The following ATG7 variants were observed in gnomAD, a reference collection of about 807,000 sequenced individuals.
ATG7 encodes the protein autophagy related 7, also known as ubiquitin-like modifier-activating enzyme ATG7.
ATG7 carries 70 observed loss-of-function variants against 82.4 expected under a neutral mutation model. The observed-to-expected ratio is 0.85, with a 90% CI of 0.70 to 1.04. The LOEUF is 1.04. Among genes scored for constraint, ATG7 ranks in the 50% least tolerant of loss-of-function variants. ATG7 has a pLI of 0.00. For synonymous variants in ATG7, 287 were observed against 313.0 expected (o/e 0.92, Z 0.88); for missense variants, 792 against 864.3 (o/e 0.92, Z 1.05).
At chr3:11,461,615 A>G (rs1324639893) in intron 20 of ATG7, among the ~76,000 whole-genome samples, 4 of 152,178 alleles carry the variant, frequency 2.6e-5, no homozygotes, top group Non-Finnish European at 1.5e-5. Context: ...TCTTAGAATG[A>G]GAATTCTTAG....
At chr3:11,547,191 T>C (rs549769419) in intron 20 of ATG7, among the ~76,000 whole-genome samples, 21 of 152,114 alleles carry the variant, frequency 1.4e-4, no homozygotes, top group Non-Finnish European at 2.5e-4. Context: ...TGAGAGAAAG[T>C]GGAAAAGGCC....
At chr3:11,513,234 G>A (rs542411819) in intron 20 of ATG7, among the ~76,000 whole-genome samples, 13 of 152,370 alleles carry the variant, frequency 8.5e-5, no homozygotes, top group South Asian at 4.1e-4. Flanking sequence ...CCAGTCCTGC[G>A]CCGTGCGTCT....
intron 20 of ATG7, among the ~76,000 whole-genome samples, chr3:11,491,396 ACTT>A: frequency 6.6e-6 from 1 of 152,098 alleles, no homozygotes; most frequent in African/African-American, 2.4e-5. Context: ...AAAGTTTTCA[ACTT>A]CTTTGCCTTT....
chr3:11,440,824 C>T (rs1317073888), intron 20 of ATG7, among the ~76,000 whole-genome samples: 1 of 151,754 alleles, frequency 6.6e-6, no homozygotes, highest in African/African-American at 2.4e-5. Flanking sequence ...GCTGGGATTA[C>T]AGGCATCTGC....
chr3:11,497,103 G>A (rs2090892168), intron 20 of ATG7, among the ~76,000 whole-genome samples: 1 of 151,504 alleles, frequency 6.6e-6, no homozygotes. Flanking sequence ...CGCTTGCCTC[G>A]GCCTCCCAAA....
chr3:11,340,735 G>C lies in ATG7; in HGVS notation c.980G>C (p.Arg327Thr). 1.2e-6 allele frequency: 2 copies of C among 1,612,508 alleles called. No individual in the cohort carries two copies. Among genetic ancestry groups the C allele is most frequent in the Non-Finnish European group, 1.7e-6 (2 of 1,179,072 alleles). ...VNLSECMDPK[R>T]LAESSVDLNL... is the part of the protein sequence containing the mutation. ...CTCAGTGAATGTATGGACCCTAAAA[G>C]GTATATTTGGGAAGCTGTTTTCTCC... is the stretch of plus-strand genomic sequence containing the variant. The change falls in exon 12 of 21, where the codon AGG becomes ACG. Residue 327 changes from arginine to threonine, a missense_variant and splice_region_variant. Transcript: ENST00000693202.
intron 9 of ATG7, among the ~76,000 whole-genome samples, chr3:11,318,915 T>C (rs963570824): frequency 6.6e-6 from 1 of 152,212 alleles, no homozygotes; most frequent in Non-Finnish European, 1.5e-5. Context: ...TTCTCTCTTC[T>C]GTGTTCTGGT....
chr3:11,426,914 C>G lies in ATG7; in HGVS notation c.2067C>G (p.Thr689=), dbSNP rs370212428. The G allele has an allele frequency of 9.4e-6, 15 of 1,602,222 alleles. No individual in the cohort carries two copies. The African/African-American group carries it at 2.0e-4, about 22-fold the overall frequency. ...LTGLTLLHQE[T]QAAEIWDMSD... ...GTCTTACATTGCTGCATCAAGAAAC[C>G]CAAGCTGCTGAGGTAAGAACAAAAC... The change falls in exon 20 of 21, where the codon ACC becomes ACG. Residue 689 remains threonine (T), a synonymous_variant. Transcript: ENST00000693202.
intron 6 of ATG7, 93 bp downstream of exon 6, chr3:11,307,153 C>A: frequency 8.4e-7 from 1 of 1,185,606 alleles, no homozygotes; most frequent in Non-Finnish European, 1.2e-6. Context: ...GCTGCAGAAA[C>A]TGGCATATGA....
At chr3:11,355,633 A>C (rs1238608628) in intron 14 of ATG7, among the ~76,000 whole-genome samples, 1 of 152,202 alleles carries the variant, frequency 6.6e-6, no homozygotes, top group Non-Finnish European at 1.5e-5. Context: ...AATAGTCATC[A>C]GGGAAATACA....
At chr3:11,573,178 C>G in the ATG7 span, among the ~76,000 whole-genome samples, 3 of 146,726 alleles carry the variant, frequency 2.0e-5, no homozygotes, top group Admixed American at 2.1e-4. Flanking sequence ...GAAAGAAAGA[C>G]AGACAGACAG....
At chr3:11,441,088 A>T (rs1438039334) in intron 20 of ATG7, among the ~76,000 whole-genome samples, 3 of 152,190 alleles carry the variant, frequency 2.0e-5, no homozygotes, top group African/African-American at 7.2e-5. Flanking sequence ...CTAATAACAA[A>T]TATGTAAACT....
At chr3:11,372,854 G>A (rs1407975733) in intron 18 of ATG7, among the ~76,000 whole-genome samples, 1 of 149,004 alleles carries the variant, frequency 6.7e-6, no homozygotes, top group African/African-American at 2.5e-5. Flanking sequence ...GCGTGTGCGT[G>A]TGTGTGTGTG....
chr3:11,504,573 G>A (rs1328374118), intron 20 of ATG7, among the ~76,000 whole-genome samples: 2 of 152,244 alleles, frequency 1.3e-5, no homozygotes, highest in African/African-American at 4.8e-5. Context: ...ACTGGATCCA[G>A]GCCAGAGGGC....
intron 3 of ATG7, among the ~76,000 whole-genome samples, chr3:11,297,590 T>C (rs1946150995): frequency 1.3e-5 from 2 of 152,210 alleles, no homozygotes; most frequent in South Asian, 4.1e-4. Flanking sequence ...GAAGGTCAAA[T>C]TTATTAGATG....
chr3:11,352,465 C>A (rs1026051224), intron 14 of ATG7, among the ~76,000 whole-genome samples: 1 of 152,204 alleles, frequency 6.6e-6, no homozygotes, highest in African/African-American at 2.4e-5. Context: ...TACAGTCCCA[C>A]CAACAGTGTA....
At chr3:11,530,195 CTCTG>C (rs1015940394) in intron 20 of ATG7, among the ~76,000 whole-genome samples, 7 of 152,212 alleles carry the variant, frequency 4.6e-5, no homozygotes, top group African/African-American at 1.7e-4. Flanking sequence ...ACTAAACAAA[CTCTG>C]TCTGCTTTGA....
chr3:11,420,260 TTAAG>T (rs982169398), intron 19 of ATG7, among the ~76,000 whole-genome samples: 13 of 152,216 alleles, frequency 8.5e-5, no homozygotes, highest in African/African-American at 3.1e-4. Context: ...CCCTAGAGGA[TTAAG>T]TTTTTCCACA....
At chr3:11,491,267 C>G (rs2090325162) in intron 20 of ATG7, among the ~76,000 whole-genome samples, 1 of 152,178 alleles carries the variant, frequency 6.6e-6, no homozygotes, top group Admixed American at 6.5e-5. Context: ...ATTGCATTGG[C>G]TCCTGAGGCT....
Sources: allele counts gnomAD v4.1 joint callset (sites outside exome capture counted in the v4.1 genomes callset), GRCh38; gene constraint gnomAD v4.1.1; transcripts MANE v1.5; gene names NCBI Gene and HGNC (gene_info 2026-07-23, HGNC 2026-07-21).